Variants in FSD2 observed in about 807,000 individuals in gnomAD.
The protein encoded by FSD2 is fibronectin type III and SPRY domain containing 2, also known as fibronectin type III and SPRY domain-containing protein 2.
Under a neutral mutation model 80.4 loss-of-function variants are expected in FSD2, and 71 were observed. That is an observed-to-expected ratio of 0.88 (90% confidence interval 0.73 to 1.08). FSD2 has a LOEUF of 1.08. Ranked by LOEUF, FSD2 falls within the 50% of genes least tolerant of loss-of-function variation. The probability of loss-of-function intolerance (pLI) is 0.00; values close to 1 mark genes in which losing one functional copy is unlikely to be tolerated. For synonymous variants in FSD2, 361 were observed against 329.5 expected, an observed-to-expected ratio of 1.10 and a Z score of -1.03; for missense variants, 923 against 913.8, an observed-to-expected ratio of 1.01 and a Z score of -0.13.
At chr15:82,800,953 A>G (rs1395646975) in intron 1 of FSD2, among the ~76,000 whole-genome samples, 1 of 152,130 alleles carries the variant, frequency 6.6e-6, no homozygotes, top group African/African-American at 2.4e-5. Flanking sequence ...TATATGAAGA[A>G]GCATGTTGAG....
chr15:82,782,912 CTCTT>C lies in FSD2; in HGVS notation c.845_848del (p.Lys282ArgfsTer17). The C allele has an allele frequency of 2.5e-6, 4 of 1,613,914 alleles. No homozygotes were observed. Among genetic ancestry groups the C allele is most frequent in the Non-Finnish European group, 3.4e-6 (4 of 1,179,846 alleles). On this transcript the variant is annotated frameshift_variant, in exon 4 of 13. Coordinates refer to ENST00000334574, the MANE Select transcript of FSD2 (RefSeq NM_001007122.4). LOFTEE classifies it high-confidence loss of function. ...GTTGTCCATATAAGGCTTCCAGCTT[CTCTT>C]TCTTTTTCTCCCCTAGAGCTTGTAT...
intron 1 of FSD2, among the ~76,000 whole-genome samples, chr15:82,804,790 C>T (rs73445075): frequency 0.01 from 1,582 of 152,254 alleles, 34 homozygotes; most frequent in African/African-American, 0.036. Flanking sequence ...ACTTGCCCTT[C>T]GAACACACAA....
rs1011490459 is a variant in FSD2 at position 82,780,235 on chromosome 15, A to G, written c.989+10T>C. ...AAAAAAAGAAATACATACTAGAACA[A>G]ATGTATTACCTGTCAGCCATAGCCA... On this transcript the variant is annotated intron_variant, in intron 5 of 12. Coordinates refer to ENST00000334574, the MANE Select transcript of FSD2 (RefSeq NM_001007122.4). 28 of 1,498,566 alleles carry G rather than the reference A, an allele frequency of 1.9e-5. No individual in the cohort carries two copies. Among genetic ancestry groups the G allele is most frequent in the Non-Finnish European group, 2.4e-5 (27 of 1,117,466 alleles). The allele number at this position is 1,498,566 out of a possible 1,614,324, so 92.8% of individuals were successfully genotyped here.
chr15:82,765,922 C>G lies in FSD2; in HGVS notation c.1663G>C (p.Glu555Gln). 6.2e-7 allele frequency: 1 copy of G among 1,610,072 alleles called. No homozygotes were observed. The highest frequency in any genetic ancestry group is 8.5e-7 in the Non-Finnish European group (1 of 1,178,692). ...CCTATGGTGTGGACTGTAGCTGGCT[C>G]GCTCCTCACGCTGGGGCCCCCCATA... ...LNMGGPSVRSEPATVHTIGSY... is the reference protein window; with the variant it reads ...LNMGGPSVRSQPATVHTIGSY... The change falls in exon 10 of 13, where the codon GAG becomes CAG. Residue 555 changes from glutamate to glutamine, a missense_variant. Transcript: ENST00000334574.
intron 4 of FSD2, among the ~76,000 whole-genome samples, chr15:82,782,080 T>C (rs1257087819): frequency 4.2e-5 from 5 of 117,700 alleles, no homozygotes; most frequent in Non-Finnish European, 7.0e-5. Flanking sequence ...ATAATAATAA[T>C]AATAATAATA....
rs1481566718 is a variant in FSD2 at position 82,762,121 on chromosome 15, G to A, written c.1978C>T (p.His660Tyr). 2 of 1,604,156 alleles carry A rather than the reference G, an allele frequency of 1.2e-6. No homozygotes were observed. The change falls in exon 12 of 13, where the codon CAC (histidine) becomes TAC (tyrosine). Residue 660 changes from histidine (H) to tyrosine (Y), a missense_variant. Transcript: ENST00000334574. Reference protein sequence around the residue: ...GANCLSWCMRHTFASSRHKYE... With the variant: ...GANCLSWCMRYTFASSRHKYE... ...CTTTACCTTGATGATGCAAATGTGT[G>A]CCTCATGCACCAGGAGAGGCAATTT...
In FSD2 at chr15:82,782,119, G is replaced by A. The variant is rs2049878787; in HGVS notation, c.966+676C>T. ...ATAATAATAATAAAACTCTTGGCCG[G>A]GCATGGTGGCTCACGCCTGTAATCC... On this transcript the variant is annotated intron_variant, in intron 4 of 12. Transcript: ENST00000334574. 2.4e-5 allele frequency among the ~76,000 whole-genome samples: 3 copies of A among 127,222 alleles called. No homozygotes were observed. The South Asian group carries it at 7.1e-4, about 30-fold the overall frequency. The allele number at this position is 127,222 out of a possible 152,430, so 83.5% of individuals were successfully genotyped here. A position where few individuals can be genotyped will look rare whatever the true frequency, so the allele number is the denominator to read the frequency against.
At position 82,787,115 on chromosome 15, in the gene FSD2, A is replaced by G. The variant is rs2050020161; in HGVS notation, c.276T>C (p.Asp92=). Residue 92 remains aspartate, a synonymous_variant, in exon 2 of 13, where the codon GAT becomes GAC. Transcript: ENST00000334574. Reference sequence around the variant, plus strand: ...AAACCCCTGTTCTGGGTATGTTTTCATCAACAAACTCATCCCCTAATTCAT... The same window carrying G: ...AAACCCCTGTTCTGGGTATGTTTTCGTCAACAAACTCATCCCCTAATTCAT... ...DDHELGDEFV[D]ENIPRTGVSE... 6.2e-7 allele frequency: 1 copy of G among 1,614,018 alleles called. No individual in the cohort carries two copies. Among genetic ancestry groups the G allele is most frequent in the Admixed American group, 1.7e-5 (1 of 60,020 alleles).
intron 8 of FSD2, 38 bp downstream of exon 8, chr15:82,769,712 A>G: frequency 6.3e-7 from 1 of 1,582,762 alleles, no homozygotes; most frequent in Non-Finnish European, 8.6e-7. Flanking sequence ...TGTCCGCTTG[A>G]ATGAAAGCCC....
At chr15:82,802,142 A>G (rs1054244666) in intron 1 of FSD2, among the ~76,000 whole-genome samples, 1 of 152,178 alleles carries the variant, frequency 6.6e-6, no homozygotes, top group Non-Finnish European at 1.5e-5. Context: ...CAGCCTGTAC[A>G]CAGGGCTGGA....
intron 1 of FSD2, among the ~76,000 whole-genome samples, chr15:82,794,515 A>T (rs888401846): frequency 1.3e-5 from 2 of 152,104 alleles, no homozygotes; most frequent in Non-Finnish European, 2.9e-5. Flanking sequence ...GGTTTATAGT[A>T]TTATTTAAGT....
At chr15:82,780,403 C>T (rs1367863676) in intron 4 of FSD2, 136 bp from the exon 5 acceptor site, 8 of 584,318 alleles carry the variant, frequency 1.4e-5, no homozygotes, top group Non-Finnish European at 1.8e-5. Flanking sequence ...GGCACAATCT[C>T]GGCTCACTGC....
At chr15:82,791,221 A>T (rs549199033) in intron 1 of FSD2, among the ~76,000 whole-genome samples, 1 of 151,690 alleles carries the variant, frequency 6.6e-6, no homozygotes, top group East Asian at 2.0e-4. Flanking sequence ...GATGGTCTCG[A>T]TCTCCTGACC....
chr15:82,788,675 T>C (rs1418775690), intron 1 of FSD2, among the ~76,000 whole-genome samples: 1 of 152,092 alleles, frequency 6.6e-6, no homozygotes, highest in African/African-American at 2.4e-5. Context: ...GGCCCCACTT[T>C]TCTGAAGAGC....
At chr15:82,799,035 G>A (rs923316047) in intron 1 of FSD2, among the ~76,000 whole-genome samples, 1 of 151,770 alleles carries the variant, frequency 6.6e-6, no homozygotes, top group Non-Finnish European at 1.5e-5. Context: ...GCACCACCAC[G>A]CCTGGCTAAT....
In FSD2 at chr15:82,755,785, A is replaced by G. The variant is rs893323677; in HGVS notation, c.*3563T>C. ...CCAGCTGGGGTCTTCTTTCCAAATA[A>G]CTTTTCTCTTGCATTTAGATTAATT... On this transcript the variant is annotated 3_prime_UTR_variant, in exon 13 of 13. Coordinates refer to ENST00000334574, the MANE Select transcript of FSD2 (RefSeq NM_001007122.4). The G allele has an allele frequency of 8.8e-6, 2 of 226,054 alleles. No individual in the cohort carries two copies. Among genetic ancestry groups the G allele is most frequent in the Admixed American group, 1.1e-4 (2 of 18,988 alleles). 14.0% of individuals were successfully genotyped at this position (226,054 alleles called of 1,614,324 possible).
At chr15:82,793,254 C>T in intron 1 of FSD2, among the ~76,000 whole-genome samples, 1 of 151,866 alleles carries the variant, frequency 6.6e-6, no homozygotes, top group Non-Finnish European at 1.5e-5. Flanking sequence ...GTACCTGGCA[C>T]CACGCCTGGC....
At chr15:82,764,973 C>A (rs1181627451) in intron 11 of FSD2, among the ~76,000 whole-genome samples, 193 bp downstream of exon 11, 1 of 152,026 alleles carries the variant, frequency 6.6e-6, no homozygotes, top group East Asian at 1.9e-4. Context: ...GGGGGCTCTT[C>A]TGCCTGCACC....
At chr15:82,761,049 T>C (rs2049286078) in intron 12 of FSD2, among the ~76,000 whole-genome samples, 1 of 152,100 alleles carries the variant, frequency 6.6e-6, no homozygotes, top group Admixed American at 6.6e-5. Context: ...CCAAACTGGG[T>C]GTGAGGTTTA....
Sources: allele counts gnomAD v4.1 joint callset (sites outside exome capture counted in the v4.1 genomes callset), GRCh38; gene constraint gnomAD v4.1.1; transcripts MANE v1.5; gene names NCBI Gene and HGNC (gene_info 2026-07-23, HGNC 2026-07-21).